CAPS2: variants seen among roughly 807,000 people sequenced by gnomAD.
CAPS2 encodes calcyphosine 2.
In CAPS2, 98 loss-of-function variants were observed where a neutral mutation model predicts 86.5. The observed-to-expected ratio is 1.13, with a 90% CI of 0.96 to 1.34. The LOEUF (loss-of-function observed/expected upper bound fraction) is 1.34, where lower values mean the gene tolerates loss of function less well. Among genes scored for constraint, CAPS2 ranks in the 40% most tolerant of loss-of-function variants. The pLI, the probability that CAPS2 is intolerant of heterozygous loss-of-function variation, is 0.00. For synonymous variants in CAPS2, 210 were observed against 225.1 expected (o/e 0.93, Z 0.60); for missense variants, 729 against 686.8 (o/e 1.06, Z -0.69).
chr12:75,331,598 C>T (rs1027272518), upstream of CAPS2, among the ~76,000 whole-genome samples: 3 of 151,316 alleles, frequency 2.0e-5, no homozygotes, highest in Non-Finnish European at 4.4e-5. Context: ...GAGTCTCGCT[C>T]TGTCGCCCAG....
At chr12:75,370,168 A>C in intron 1 of CAPS2, 2 of 1,502,730 alleles carry the variant, frequency 1.3e-6, no homozygotes, top group South Asian at 2.3e-5. Context: ...TCTTCTGAGA[A>C]TCTTTTAATG....
chr12:75,383,741 C>T (rs2045129966), intron 1 of CAPS2, among the ~76,000 whole-genome samples: 1 of 152,080 alleles, frequency 6.6e-6, no homozygotes, highest in African/African-American at 2.4e-5. Flanking sequence ...TTCTCGAGCT[C>T]ATATGAAACA....
intron 1 of CAPS2, among the ~76,000 whole-genome samples, chr12:75,378,279 C>T (rs1328609925): frequency 6.6e-6 from 1 of 152,160 alleles, no homozygotes; most frequent in East Asian, 1.9e-4. Flanking sequence ...TGATTATAGG[C>T]ATGAGCCACT....
intron 12 of CAPS2, 79 bp downstream of exon 12, chr12:75,293,170 T>C (rs774017507): frequency 2.3e-5 from 20 of 860,330 alleles, no homozygotes; most frequent in Non-Finnish European, 3.8e-5. Flanking sequence ...AAATACCTTA[T>C]AGTAGAATGT....
intron 14 of CAPS2, among the ~76,000 whole-genome samples, chr12:75,288,983 G>A (rs11180444): frequency 2.6e-5 from 4 of 152,182 alleles, no homozygotes; most frequent in Non-Finnish European, 4.4e-5. Flanking sequence ...GACAGAGAAA[G>A]CTGTGGCCTG....
intron 4 of CAPS2, chr12:75,322,892 T>C: frequency 1.3e-6 from 1 of 774,566 alleles, no homozygotes; most frequent in Middle Eastern, 3.5e-4. Flanking sequence ...CATAAAATAT[T>C]TAAACTTGGC....
At chr12:75,324,562 T>A (rs2040594955) in intron 2 of CAPS2, among the ~76,000 whole-genome samples, 2 of 152,130 alleles carry the variant, frequency 1.3e-5, no homozygotes, top group South Asian at 4.1e-4. Flanking sequence ...CCTAACTCTA[T>A]TCTTTATGTC....
intron 1 of CAPS2, among the ~76,000 whole-genome samples, chr12:75,353,783 C>T (rs2042966064): frequency 1.3e-5 from 2 of 152,296 alleles, no homozygotes; most frequent in East Asian, 1.9e-4. Context: ...CATCAAAAAG[C>T]TTATCCATCA....
intron 1 of CAPS2, among the ~76,000 whole-genome samples, chr12:75,337,374 G>A (rs181696269): frequency 6.6e-6 from 1 of 151,528 alleles, no homozygotes; most frequent in Admixed American, 6.6e-5. Flanking sequence ...AATGAAGAAA[G>A]ACACAACTCA....
chr12:75,353,708 A>C (rs1212758313), intron 1 of CAPS2, among the ~76,000 whole-genome samples: 1 of 152,178 alleles, frequency 6.6e-6, no homozygotes, highest in Non-Finnish European at 1.5e-5. Flanking sequence ...CTTCAGGCCA[A>C]TATCCCTGAT....
chr12:75,341,439 CT>C, intron 1 of CAPS2, among the ~76,000 whole-genome samples: 1 of 151,546 alleles, frequency 6.6e-6, no homozygotes, highest in East Asian at 1.9e-4. Flanking sequence ...ATATAACATT[CT>C]TTTTTTCTTT....
At chr12:75,339,475 T>C (rs1448610909) in intron 1 of CAPS2, among the ~76,000 whole-genome samples, 1 of 152,190 alleles carries the variant, frequency 6.6e-6, no homozygotes, top group Non-Finnish European at 1.5e-5. Context: ...AATCTCCTTA[T>C]AGACTCTGGA....
At chr12:75,358,108 TC>T (rs2043275974) in intron 1 of CAPS2, among the ~76,000 whole-genome samples, 1 of 151,072 alleles carries the variant, frequency 6.6e-6, no homozygotes, top group Admixed American at 6.6e-5. Flanking sequence ...ACCATACTGA[TC>T]AAAAAAAGAT....
chr12:75,305,425 C>A, intron 7 of CAPS2: 1 of 462,216 alleles, frequency 2.2e-6, no homozygotes. Flanking sequence ...GACGCAGAGG[C>A]TCTTGTCAGA....
upstream of CAPS2, among the ~76,000 whole-genome samples, chr12:75,330,346 G>A (rs1183053046): frequency 1.3e-5 from 2 of 152,204 alleles, no homozygotes; most frequent in Non-Finnish European, 2.9e-5. Flanking sequence ...CCTAAACCCC[G>A]GCGAGGAGCC....
chr12:75,285,096 G>A lies in CAPS2; in HGVS notation c.1396-16C>T, dbSNP rs757306889. 6.3e-7 allele frequency: 1 copy of A among 1,596,712 alleles called. No individual in the cohort carries two copies. The highest frequency in any genetic ancestry group is 8.5e-7 in the Non-Finnish European group (1 of 1,174,218). ...ACTCAAAATCCTAGAAACAATCAGA[G>A]ATAACTGTTGCATTTTTAAGTTACA... On this transcript the variant is annotated splice_polypyrimidine_tract_variant and intron_variant, in intron 14 of 16. Transcript: ENST00000393284.
intron 1 of CAPS2, among the ~76,000 whole-genome samples, chr12:75,356,352 T>A (rs1385029433): frequency 6.6e-6 from 1 of 152,148 alleles, no homozygotes; most frequent in Non-Finnish European, 1.5e-5. Context: ...ATATAAGATG[T>A]TTTCTTATTT....
chr12:75,363,218 C>T (rs1371686394), intron 1 of CAPS2: 2 of 1,025,098 alleles, frequency 2.0e-6, no homozygotes, highest in Non-Finnish European at 2.7e-6. Context: ...TATATAATTA[C>T]ATTTAGAGAG....
chr12:75,334,390 T>C (rs1593622602), upstream of CAPS2: 2 of 854,278 alleles, frequency 2.3e-6, no homozygotes, highest in East Asian at 8.0e-5. Context: ...TTTACCTAAC[T>C]TGTGTGGCTT....
Sources: gnomAD v4.1 joint callset for allele counts (sites outside exome capture counted in the v4.1 genomes callset) on GRCh38, gnomAD v4.1.1 for gene constraint, MANE v1.5 for transcripts, NCBI Gene and HGNC (gene_info 2026-07-23, HGNC 2026-07-21) for gene names.